The following SNX27 variants were observed in gnomAD, a reference collection of about 807,000 sequenced individuals.
SNX27 encodes the protein sorting nexin 27.
Under a neutral mutation model 71.6 loss-of-function variants are expected in SNX27, and 22 were observed. The observed-to-expected ratio is 0.31, with a 90% CI of 0.22 to 0.44. SNX27 has a LOEUF of 0.44. Ranked by LOEUF, SNX27 falls within the 20% of genes least tolerant of loss-of-function variation. SNX27 has a pLI of 1.00. For missense variants in SNX27, 531 were observed against 698.6 expected (o/e 0.76, Z 2.70); for synonymous variants, 269 against 277.2 (o/e 0.97, Z 0.29).
chr1:151,646,186 C>T (rs993694835), intron 2 of SNX27, among the ~76,000 whole-genome samples: 1 of 152,184 alleles, frequency 6.6e-6, no homozygotes, highest in Admixed American at 6.5e-5. Context: ...GTAGCCATGT[C>T]ACCTTTCTTT....
Position 151,694,670 on chromosome 1 carries a change from A to G in SNX27, c.*253A>G. 1 of 402,272 alleles carries G rather than the reference A, an allele frequency of 2.5e-6. No homozygotes were observed. Among genetic ancestry groups the G allele is most frequent in the Non-Finnish European group, 4.4e-6 (1 of 226,304 alleles). 24.9% of individuals were successfully genotyped at this position (402,272 alleles called of 1,614,324 possible). On this transcript the variant is annotated 3_prime_UTR_variant, in exon 12 of 12. Transcript: ENST00000458013. Reference sequence around the variant, plus strand: ...GCAGGAAAAGAAATAAGCCCAACCAACTTGCCAAAGGTATCTTTGTCCTTT... The same window carrying G: ...GCAGGAAAAGAAATAAGCCCAACCAGCTTGCCAAAGGTATCTTTGTCCTTT...
At chr1:151,613,819 G>A (rs990620180) in intron 1 of SNX27, 1 of 152,160 alleles carries the variant, frequency 6.6e-6, no homozygotes, top group Non-Finnish European at 1.5e-5. Flanking sequence ...CGTTGTCTCC[G>A]TTCTCCTCAG....
chr1:151,664,985 A>G (rs1670126654), intron 5 of SNX27, among the ~76,000 whole-genome samples: 1 of 152,216 alleles, frequency 6.6e-6, no homozygotes, highest in South Asian at 2.1e-4. Context: ...TATAATGTCC[A>G]GTTCCTCTAT....
chr1:151,651,220 C>T (rs1409685320), intron 2 of SNX27, among the ~76,000 whole-genome samples: 21 of 149,124 alleles, frequency 1.4e-4, no homozygotes, highest in Non-Finnish European at 2.8e-4. Flanking sequence ...GGCGGCTGGC[C>T]GGGCGGGGGG....
intron 10 of SNX27, 176 bp from the exon 11 acceptor site, chr1:151,693,248 C>T: frequency 1.1e-6 from 1 of 901,808 alleles, no homozygotes; most frequent in Non-Finnish European, 1.7e-6. Flanking sequence ...TCGTAGTTAC[C>T]ACTAGAAGGA....
intron 2 of SNX27, among the ~76,000 whole-genome samples, chr1:151,641,614 TATATATATATATATATCATATGTATC>T (rs1668732381): frequency 7.3e-6 from 1 of 136,784 alleles, no homozygotes; most frequent in African/African-American, 2.7e-5. Flanking sequence ...TATATATATA[TATATATATATATATATCATATGTATC>T]ATATATATAT....
intron 8 of SNX27, among the ~76,000 whole-genome samples, chr1:151,686,444 G>A (rs1020385659): frequency 6.6e-6 from 1 of 152,162 alleles, no homozygotes; most frequent in Non-Finnish European, 1.5e-5. Context: ...ATAGTTGATA[G>A]ACAGATATGT....
chr1:151,649,968 A>G (rs146598672), intron 2 of SNX27, among the ~76,000 whole-genome samples: 43 of 151,700 alleles, frequency 2.8e-4, no homozygotes, highest in African/African-American at 1.0e-3. Context: ...GCTCGCTGCA[A>G]CCTCCACCTC....
intron 3 of SNX27, 53 bp downstream of exon 3, chr1:151,658,480 T>C: frequency 1.3e-6 from 2 of 1,531,238 alleles, no homozygotes; most frequent in East Asian, 2.3e-5. Context: ...GTTCTAGATA[T>C]GCAACTTCTA....
intron 2 of SNX27, 91 bp downstream of exon 2, chr1:151,639,210 C>T: frequency 3.5e-6 from 4 of 1,145,832 alleles, no homozygotes; most frequent in Non-Finnish European, 4.9e-6. Flanking sequence ...AGATAAAAGG[C>T]TGCAACCTAG....
At chr1:151,625,734 G>C (rs1454643296) in intron 1 of SNX27, among the ~76,000 whole-genome samples, 1 of 146,282 alleles carries the variant, frequency 6.8e-6, no homozygotes, top group Non-Finnish European at 1.5e-5. Flanking sequence ...GCAGTGATTC[G>C]AGACCACACC....
intron 9 of SNX27, 113 bp from the exon 10 acceptor site, chr1:151,692,798 G>A (rs1322715475): frequency 2.7e-6 from 4 of 1,462,556 alleles, no homozygotes; most frequent in South Asian, 1.3e-5. Flanking sequence ...TCTCTGAAGC[G>A]ATGCAGACAT....
intron 2 of SNX27, among the ~76,000 whole-genome samples, chr1:151,650,829 T>C (rs1191864549): frequency 6.6e-6 from 1 of 151,726 alleles, no homozygotes; most frequent in African/African-American, 2.4e-5. Flanking sequence ...CCTTCAAGCA[T>C]CTGTTTAACA....
intron 1 of SNX27, among the ~76,000 whole-genome samples, chr1:151,623,492 A>G (rs1278033158): frequency 1.3e-5 from 2 of 151,592 alleles, no homozygotes; most frequent in African/African-American, 2.4e-5. Flanking sequence ...TCTTCTCCTG[A>G]CCTCAGTGAT....
Position 151,638,997 on chromosome 1 carries a change from G to A in SNX27, c.421G>A (p.Asp141Asn). The change falls in exon 2 of 12, where the codon GAT becomes AAT. Residue 141 changes from aspartate to asparagine, a missense_variant. Transcript: ENST00000458013. Reference sequence around the variant, plus strand: ...GTTATCTGTACCTCCTCATGAGGCAGATAACCTAGATCCCAGTGACGACTC... The same window carrying A: ...GTTATCTGTACCTCCTCATGAGGCAAATAACCTAGATCCCAGTGACGACTC... ...TVLSVPPHEA[D>N]NLDPSDDSLG... 6.2e-7 allele frequency: 1 copy of A among 1,614,158 alleles called. No individual in the cohort carries two copies. Among genetic ancestry groups the A allele is most frequent in the Non-Finnish European group, 8.5e-7 (1 of 1,180,026 alleles).
intron 1 of SNX27, among the ~76,000 whole-genome samples, chr1:151,620,970 A>G (rs1667646674): frequency 1.3e-5 from 2 of 152,188 alleles, no homozygotes; most frequent in South Asian, 4.1e-4. Flanking sequence ...GATTACAGGC[A>G]TAAGCCACTG....
intron 1 of SNX27, among the ~76,000 whole-genome samples, chr1:151,629,686 C>CGATTCTCCTGCCTG (rs1553256334): frequency 6.7e-6 from 1 of 150,068 alleles, no homozygotes; most frequent in East Asian, 2.0e-4. Flanking sequence ...TGGGTTCAAG[C>CGATTCTCCTGCCTG]GATTCTCCTG....
chr1:151,693,672 C>A, intron 11 of SNX27, 189 bp downstream of exon 11: 1 of 1,612,350 alleles, frequency 6.2e-7, no homozygotes, highest in Non-Finnish European at 8.5e-7. Context: ...GGTGAACGGG[C>A]TGTGCAAAAA....
At chr1:151,692,835 T>G in intron 9 of SNX27, 76 bp from the exon 10 acceptor site, 3 of 1,591,876 alleles carry the variant, frequency 1.9e-6, no homozygotes, top group South Asian at 2.2e-5. Flanking sequence ...TGTCTCCTGG[T>G]TCAGAACCCC....
Sources: gnomAD v4.1 joint callset for allele counts (sites outside exome capture counted in the v4.1 genomes callset) on GRCh38, gnomAD v4.1.1 for gene constraint, MANE v1.5 for transcripts, NCBI Gene and HGNC (gene_info 2026-07-23, HGNC 2026-07-21) for gene names.